ADGRB3: variants seen among roughly 807,000 people sequenced by gnomAD.
ADGRB3 encodes the protein brain-specific angiogenesis inhibitor 3.
In ADGRB3, 37 loss-of-function variants were observed where a neutral mutation model predicts 193.4. That is an observed-to-expected ratio of 0.19 (90% confidence interval 0.15 to 0.25). The LOEUF (loss-of-function observed/expected upper bound fraction) is 0.25, where lower values mean the gene tolerates loss of function less well. Ranked by LOEUF, ADGRB3 falls within the 10% of genes least tolerant of loss-of-function variation. ADGRB3 has a pLI of 1.00. For synonymous variants in ADGRB3, 690 were observed against 644.2 expected (o/e 1.07, Z -1.08); for missense variants, 1,637 against 1,852.9 (o/e 0.88, Z 2.14).
intron 17 of ADGRB3, among the ~76,000 whole-genome samples, chr6:69,226,763 T>G (rs1461241731): frequency 6.6e-6 from 1 of 152,250 alleles, no homozygotes; most frequent in Admixed American, 6.5e-5. Context: ...GAAGCTTAAC[T>G]TGGGGCTGGT....
At chr6:68,689,766 C>T (rs901262430) in intron 3 of ADGRB3, among the ~76,000 whole-genome samples, 5 of 151,770 alleles carry the variant, frequency 3.3e-5, no homozygotes, top group African/African-American at 7.3e-5. Context: ...GTAATACTTA[C>T]GAATTTATTA....
At chr6:68,773,465 G>C (rs1474822426) in intron 3 of ADGRB3, among the ~76,000 whole-genome samples, 1 of 152,098 alleles carries the variant, frequency 6.6e-6, no homozygotes, top group Non-Finnish European at 1.5e-5. Flanking sequence ...CCCATTATTA[G>C]TGCGTAGTGA....
chr6:68,754,045 G>A (rs958501323), intron 3 of ADGRB3, among the ~76,000 whole-genome samples: 2 of 152,108 alleles, frequency 1.3e-5, no homozygotes, highest in African/African-American at 4.8e-5. Flanking sequence ...GTAAAAGAGC[G>A]GGTCCCTGTG....
At chr6:68,769,910 A>G (rs1344312806) in intron 3 of ADGRB3, among the ~76,000 whole-genome samples, 1 of 152,138 alleles carries the variant, frequency 6.6e-6, no homozygotes, top group Non-Finnish European at 1.5e-5. Flanking sequence ...TTTAACACTG[A>G]TGAATTTTCC....
rs552240087 is a variant in ADGRB3 at position 68,989,856 on chromosome 6, A to AT, written c.1735-3908dup. Among the ~76,000 whole-genome samples, 5 of 152,282 alleles carry AT rather than the reference A, an allele frequency of 3.3e-5. No homozygotes were observed. The East Asian group carries it at 7.7e-4, about 24-fold the overall frequency. On this transcript the variant is annotated intron_variant, in intron 10 of 31. Transcript: ENST00000370598. ...ACCAAATTTTGTACCTCTGATATTG[A>AT]TTTTGAAGAGAACCAGGGAGAAAAC...
intron 3 of ADGRB3, among the ~76,000 whole-genome samples, chr6:68,738,433 A>G (rs1315437590): frequency 6.6e-6 from 1 of 152,150 alleles, no homozygotes; most frequent in East Asian, 1.9e-4. Context: ...GGACAAAGCT[A>G]GAAGCAGGGA....
chr6:68,702,168 G>A (rs1198917396), intron 3 of ADGRB3, among the ~76,000 whole-genome samples: 2 of 151,988 alleles, frequency 1.3e-5, no homozygotes, highest in Non-Finnish European at 2.9e-5. Context: ...GGAAGACAAA[G>A]AGGGAGCAGG....
chr6:69,006,081 A>T (rs564315312), intron 11 of ADGRB3, among the ~76,000 whole-genome samples: 1 of 152,178 alleles, frequency 6.6e-6, no homozygotes, highest in African/African-American at 2.4e-5. Flanking sequence ...AAAAGTACCT[A>T]GAGCACTCTT....
intron 3 of ADGRB3, among the ~76,000 whole-genome samples, chr6:68,808,516 A>G (rs1767452498): frequency 6.6e-6 from 1 of 151,814 alleles, no homozygotes; most frequent in Non-Finnish European, 1.5e-5. Context: ...TACCAATTGT[A>G]TATTTTTTCA....
At position 68,666,487 on chromosome 6, in the gene ADGRB3, C is replaced by A. The variant is rs562050529; in HGVS notation, c.757+27055C>A. ...CTTTTTGATGGATACCTGTAATTGT[C>A]CTAGTCCCCTCAGAAGAAATGCTTT... is the stretch of plus-strand genomic sequence containing the variant. On this transcript the variant is annotated intron_variant, in intron 3 of 31. Transcript: ENST00000370598. Among the ~76,000 whole-genome samples the A allele has an allele frequency of 2.6e-5, 4 of 151,868 alleles. 1 individual carries two copies. In the South Asian group the frequency reaches 6.2e-4, roughly 24 times the overall value.
At chr6:68,757,493 G>A (rs1766318801) in intron 3 of ADGRB3, among the ~76,000 whole-genome samples, 1 of 151,932 alleles carries the variant, frequency 6.6e-6, no homozygotes, top group Non-Finnish European at 1.5e-5. Context: ...CCAGACTATT[G>A]ATTTGATAAT....
At chr6:68,691,994 GT>G (rs1765084934) in intron 3 of ADGRB3, among the ~76,000 whole-genome samples, 1 of 151,688 alleles carries the variant, frequency 6.6e-6, no homozygotes, top group African/African-American at 2.4e-5. Flanking sequence ...TTCACAAATT[GT>G]TAGTATATTG....
At chr6:69,125,513 G>A (rs531974861) in intron 17 of ADGRB3, among the ~76,000 whole-genome samples, 13 of 152,190 alleles carry the variant, frequency 8.5e-5, no homozygotes, top group Non-Finnish European at 1.8e-4. Context: ...GCCATGTGAA[G>A]ACAGGGCTGG....
chr6:69,335,130 T>TA (rs922747337), intron 24 of ADGRB3, among the ~76,000 whole-genome samples: 27 of 151,712 alleles, frequency 1.8e-4, no homozygotes, highest in South Asian at 6.2e-4. Context: ...AGGATTTAAT[T>TA]AAAAAAAAAT....
chr6:69,159,973 A>G (rs150366361), intron 17 of ADGRB3, among the ~76,000 whole-genome samples: 19 of 152,286 alleles, frequency 1.2e-4, no homozygotes, highest in Non-Finnish European at 2.4e-4. Flanking sequence ...AATGCTTTAG[A>G]AAATACTATC....
intron 3 of ADGRB3, among the ~76,000 whole-genome samples, chr6:68,918,710 G>A (rs534976331): frequency 4.6e-5 from 7 of 151,976 alleles, no homozygotes; most frequent in Admixed American, 6.6e-5. Context: ...TATTTCATCC[G>A]TATTATCAAT....
At chr6:68,765,948 T>A (rs969801707) in intron 3 of ADGRB3, among the ~76,000 whole-genome samples, 2 of 152,016 alleles carry the variant, frequency 1.3e-5, no homozygotes, top group Non-Finnish European at 2.9e-5. Flanking sequence ...ATTTATTCAG[T>A]TTTTTGAAAT....
intron 17 of ADGRB3, among the ~76,000 whole-genome samples, chr6:69,195,403 T>C (rs1205833403): frequency 6.6e-6 from 1 of 151,564 alleles, no homozygotes; most frequent in African/African-American, 2.4e-5. Context: ...AAATTCACTG[T>C]AGTCCCAGAT....
Position 69,330,349 on chromosome 6 carries a change from GT to G in ADGRB3, c.3036-150del, listed in dbSNP as rs543874431. On this transcript the variant is annotated intron_variant, in intron 22 of 31. Transcript: ENST00000370598. Reference sequence around the variant, plus strand: ...TTACTTATGAAATGATATAATTCTAGTTTTTTTCTACATCTTCTATGTATTT... The same window carrying G: ...TTACTTATGAAATGATATAATTCTAGTTTTTTCTACATCTTCTATGTATTT... Among the ~76,000 whole-genome samples, 176 of 152,192 alleles carry G rather than the reference GT, an allele frequency of 1.2e-3. 1 individual carries two copies. Among genetic ancestry groups the G allele is most frequent in the Non-Finnish European group, 1.8e-3 (121 of 67,984 alleles).
Sources: gnomAD v4.1 joint callset for allele counts (sites outside exome capture counted in the v4.1 genomes callset) on GRCh38, gnomAD v4.1.1 for gene constraint, MANE v1.5 for transcripts, NCBI Gene and HGNC (gene_info 2026-07-23, HGNC 2026-07-21) for gene names.